KIAA0825: variants seen among roughly 807,000 people sequenced by gnomAD.
KIAA0825 encodes the protein uncharacterized protein KIAA0825.
In KIAA0825, 119 loss-of-function variants were observed where a neutral mutation model predicts 147.6. That is an observed-to-expected ratio of 0.81 (90% confidence interval 0.69 to 0.94). The LOEUF (loss-of-function observed/expected upper bound fraction) is 0.94, where lower values mean the gene tolerates loss of function less well. KIAA0825 is among the 40% of genes least tolerant of loss of function. KIAA0825 has a pLI of 0.00. For synonymous variants in KIAA0825, 470 were observed against 518.1 expected, an observed-to-expected ratio of 0.91 and a Z score of 1.26; for missense variants, 1,381 against 1,472.7, an observed-to-expected ratio of 0.94 and a Z score of 1.02.
chr5:94,552,238 T>C (rs1775684377), intron 2 of KIAA0825, among the ~76,000 whole-genome samples: 1 of 152,100 alleles, frequency 6.6e-6, no homozygotes, highest in Non-Finnish European at 1.5e-5. Flanking sequence ...TAAATATATA[T>C]GCACCCAACA....
At chr5:94,163,420 T>G (rs1327031169) in intron 20 of KIAA0825, among the ~76,000 whole-genome samples, 1 of 152,170 alleles carries the variant, frequency 6.6e-6, no homozygotes, top group African/African-American at 2.4e-5. Context: ...CACTTTTTTC[T>G]TTAGTATGTA....
At chr5:94,558,786 A>G (rs1301701772) in intron 2 of KIAA0825, among the ~76,000 whole-genome samples, 1 of 152,156 alleles carries the variant, frequency 6.6e-6, no homozygotes, top group Non-Finnish European at 1.5e-5. Flanking sequence ...AGAATTCTCC[A>G]CCTTCCACTG....
intron 14 of KIAA0825, among the ~76,000 whole-genome samples, chr5:94,428,143 T>TTGTGTGTGTGTGTG (rs61572627): frequency 1.3e-4 from 18 of 134,498 alleles, no homozygotes; most frequent in Admixed American, 9.0e-4. Context: ...TAAGGTCTTG[T>TTGTGTGTGTGTGTG]TGTGTGTGTG....
At chr5:94,172,829 AAATTAACCTCATATTGGCCTC>A (rs1199558054) in intron 20 of KIAA0825, among the ~76,000 whole-genome samples, 1 of 152,174 alleles carries the variant, frequency 6.6e-6, no homozygotes, top group African/African-American at 2.4e-5. Flanking sequence ...TGAGTAATGT[AAATTAACCTCATATTGGCCTC>A]AGTTTTTTCA....
At chr5:94,340,077 G>C (rs1226002425) in intron 20 of KIAA0825, among the ~76,000 whole-genome samples, 2 of 152,056 alleles carry the variant, frequency 1.3e-5, no homozygotes, top group Non-Finnish European at 2.9e-5. Flanking sequence ...ATGTTTGGTT[G>C]AGTTAACATA....
intron 20 of KIAA0825, among the ~76,000 whole-genome samples, chr5:94,260,747 G>A (rs887645372): frequency 1.3e-5 from 2 of 152,098 alleles, no homozygotes; most frequent in African/African-American, 4.8e-5. Context: ...CAATTACAGT[G>A]AAGAGAACTC....
chr5:94,242,591 C>A (rs926489276), intron 20 of KIAA0825, among the ~76,000 whole-genome samples: 2 of 146,902 alleles, frequency 1.4e-5, no homozygotes, highest in African/African-American at 5.0e-5. Context: ...TTTTTCTTTC[C>A]TTCTTTCCTT....
chr5:94,533,053 A>T (rs1771172117), intron 3 of KIAA0825, among the ~76,000 whole-genome samples: 1 of 147,062 alleles, frequency 6.8e-6, no homozygotes, highest in South Asian at 2.1e-4. Flanking sequence ...ATCTCGGCTC[A>T]CTGCAAGCTC....
chr5:94,499,202 T>C (rs912591057), intron 5 of KIAA0825, among the ~76,000 whole-genome samples: 3 of 152,134 alleles, frequency 2.0e-5, no homozygotes, highest in African/African-American at 4.8e-5. Flanking sequence ...CATATGGAAC[T>C]CTCAGGGTTG....
At chr5:94,493,024 A>G (rs1477771559) in intron 5 of KIAA0825, among the ~76,000 whole-genome samples, 2 of 152,192 alleles carry the variant, frequency 1.3e-5, no homozygotes, top group African/African-American at 4.8e-5. Context: ...CTATGCATCT[A>G]TGTTCATAGA....
In KIAA0825 at chr5:94,464,801, G is replaced by A. The variant is rs1760281573; in HGVS notation, c.2063+68C>T. 5.2e-6 allele frequency: 7 copies of A among 1,351,098 alleles called. No homozygotes were observed. The Admixed American group carries it at 1.8e-4, about 35-fold the overall frequency. 83.7% of individuals were successfully genotyped at this position (1,351,098 alleles called of 1,614,324 possible). ...TATAAGGAGTATGTCATGAGATTCAGAATTCTGCTTTATACCAACTAATGA... is the reference window on the plus strand; with the variant it reads ...TATAAGGAGTATGTCATGAGATTCAAAATTCTGCTTTATACCAACTAATGA... On this transcript the variant is annotated intron_variant, in intron 11 of 20. Transcript: ENST00000682413.
At chr5:94,221,590 A>G (rs1454310988) in intron 20 of KIAA0825, among the ~76,000 whole-genome samples, 1 of 152,158 alleles carries the variant, frequency 6.6e-6, no homozygotes, top group Non-Finnish European at 1.5e-5. Context: ...TCAAGGAGTA[A>G]GACCCAGAGG....
chr5:94,614,453 C>T (rs1789836767), intron 1 of KIAA0825, among the ~76,000 whole-genome samples: 1 of 152,208 alleles, frequency 6.6e-6, no homozygotes, highest in Admixed American at 6.5e-5. Context: ...CGTTAAAAGC[C>T]TAACATCTCT....
intron 20 of KIAA0825, among the ~76,000 whole-genome samples, chr5:94,209,463 A>G (rs2150040960): frequency 6.6e-6 from 1 of 152,300 alleles, no homozygotes; most frequent in East Asian, 1.9e-4. Context: ...GTAGAAAAGA[A>G]ATTTAAATAA....
intron 20 of KIAA0825, among the ~76,000 whole-genome samples, chr5:94,295,942 C>T (rs1778111912): frequency 6.6e-6 from 1 of 152,158 alleles, no homozygotes; most frequent in African/African-American, 2.4e-5. Context: ...CTTAGCAGAG[C>T]TTGAGCCCTG....
intron 20 of KIAA0825, among the ~76,000 whole-genome samples, chr5:94,286,688 C>CTA: frequency 6.6e-6 from 1 of 152,190 alleles, no homozygotes; most frequent in South Asian, 2.1e-4. Flanking sequence ...AGTAGCTGGA[C>CTA]TATAGGTGCA....
chr5:94,605,637 C>T (rs1787361198), intron 1 of KIAA0825, among the ~76,000 whole-genome samples: 1 of 151,990 alleles, frequency 6.6e-6, no homozygotes, highest in East Asian at 1.9e-4. Flanking sequence ...ATGTGATTCA[C>T]CAAATAAACA....
At chr5:94,470,197 ATTATT>A in intron 9 of KIAA0825, 86 bp from the exon 10 acceptor site, 1 of 867,754 alleles carries the variant, frequency 1.2e-6, no homozygotes, top group Non-Finnish European at 1.6e-6. Flanking sequence ...AATGGTTTTG[ATTATT>A]AGATATCAAT....
chr5:94,238,879 A>G (rs1775204703), intron 20 of KIAA0825, among the ~76,000 whole-genome samples: 1 of 152,188 alleles, frequency 6.6e-6, no homozygotes, highest in Non-Finnish European at 1.5e-5. Flanking sequence ...TTAAAATTCT[A>G]TAACTAGATT....
Sources: gnomAD v4.1 joint callset for allele counts (sites outside exome capture counted in the v4.1 genomes callset) on GRCh38, gnomAD v4.1.1 for gene constraint, MANE v1.5 for transcripts, NCBI Gene and HGNC (gene_info 2026-07-23, HGNC 2026-07-21) for gene names.